Variants in PON3 observed in about 807,000 individuals in gnomAD.
PON3 encodes serum paraoxonase/lactonase 3.
PON3 carries 37 observed loss-of-function variants against 36.3 expected under a neutral mutation model. That is an observed-to-expected ratio of 1.02 (90% confidence interval 0.78 to 1.34). The LOEUF (loss-of-function observed/expected upper bound fraction) is 1.34. Ranked by LOEUF, PON3 falls within the 40% of genes most tolerant of loss-of-function variation. The pLI, the probability that PON3 is intolerant of heterozygous loss-of-function variation, is 0.00. For synonymous variants in PON3, 155 were observed against 154.8 expected, an observed-to-expected ratio of 1.00 and a Z score of -0.01; for missense variants, 415 against 426.5, an observed-to-expected ratio of 0.97 and a Z score of 0.24.
intron 3 of PON3, among the ~76,000 whole-genome samples, chr7:95,386,693 G>C (rs1391051600): frequency 6.6e-6 from 1 of 152,038 alleles, no homozygotes; most frequent in African/African-American, 2.4e-5. Context: ...GATAATTTTA[G>C]GCCAATAACC....
At chr7:95,392,711 G>A (rs553845012) in intron 2 of PON3, among the ~76,000 whole-genome samples, 1 of 152,292 alleles carries the variant, frequency 6.6e-6, no homozygotes, top group Non-Finnish European at 1.5e-5. Context: ...AGGCCATCTG[G>A]CATTCATTCT....
chr7:95,381,033 G>T (rs188176296), intron 3 of PON3, among the ~76,000 whole-genome samples: 1 of 152,314 alleles, frequency 6.6e-6, no homozygotes, highest in East Asian at 1.9e-4. Context: ...CCAGAAGAGG[G>T]TGGGGGCCAA....
rs766058191 is a variant in PON3 at position 95,394,723 on chromosome 7, G to A, written c.75-9C>T. 1.1e-5 allele frequency: 18 copies of A among 1,613,664 alleles called. No individual in the cohort carries two copies. Among genetic ancestry groups the A allele is most frequent in the Non-Finnish European group, 1.3e-5 (15 of 1,179,610 alleles). On this transcript the variant is annotated splice_polypyrimidine_tract_variant and intron_variant, in intron 1 of 8. Transcript: ENST00000265627. ...AGGCATTCACCCTTTCTCTGTAGAA[G>A]ATAAAACCCAACCCTGGAAGTCAAG... is the stretch of plus-strand genomic sequence containing the variant.
chr7:95,381,642 A>G (rs1031215179), intron 3 of PON3, among the ~76,000 whole-genome samples: 3 of 152,242 alleles, frequency 2.0e-5, no homozygotes, highest in Admixed American at 6.5e-5. Context: ...CAATTCAACG[A>G]GAAGAGCTAA....
intron 5 of PON3, 128 bp from the exon 6 acceptor site, chr7:95,364,191 A>G: frequency 1.3e-6 from 1 of 773,898 alleles, no homozygotes; most frequent in Non-Finnish European, 2.2e-6. Context: ...ATGAACTAGT[A>G]TGGATTAAGG....
At chr7:95,388,938 A>G (rs2116420362) in intron 3 of PON3, among the ~76,000 whole-genome samples, 1 of 152,264 alleles carries the variant, frequency 6.6e-6, no homozygotes, top group Non-Finnish European at 1.5e-5. Context: ...GGGGCCTGTC[A>G]GGGTGTGGGG....
chr7:95,364,019 G>A lies in PON3; in HGVS notation c.539C>T (p.Thr180Ile). 6.2e-7 allele frequency: 1 copy of A among 1,613,880 alleles called. No individual in the cohort carries two copies. The highest frequency in any genetic ancestry group is 8.5e-7 in the Non-Finnish European group (1 of 1,179,820). ...VVLGPEQFYA[T>I]RDHYFTNSLL... ...GGAGTTGGTAAAATAGTGGTCTCTGGTGGCATAGAACTGTTCTGGTCCAAG... is the reference window on the plus strand; with the variant it reads ...GGAGTTGGTAAAATAGTGGTCTCTGATGGCATAGAACTGTTCTGGTCCAAG... Residue 180 changes from threonine (T) to isoleucine (I), a missense_variant, in exon 6 of 9, where the codon ACC (threonine) becomes ATC (isoleucine). Coordinates refer to ENST00000265627, the MANE Select transcript of PON3 (RefSeq NM_000940.3).
chr7:95,367,735 G>A (rs1808730206), intron 4 of PON3, among the ~76,000 whole-genome samples: 2 of 152,158 alleles, frequency 1.3e-5, no homozygotes, highest in African/African-American at 4.8e-5. Flanking sequence ...AAGATGTTTT[G>A]CCATAGTCAC....
At chr7:95,394,601 C>A in intron 2 of PON3, 43 bp downstream of exon 2, 1 of 1,565,918 alleles carries the variant, frequency 6.4e-7, no homozygotes, top group South Asian at 1.1e-5. Flanking sequence ...GGATGACGAC[C>A]AAGAAGCTGT....
intron 3 of PON3, among the ~76,000 whole-genome samples, chr7:95,384,694 A>G (rs1809147027): frequency 6.6e-6 from 1 of 152,186 alleles, no homozygotes; most frequent in South Asian, 2.1e-4. Context: ...AAAAGTCAGG[A>G]AACAACAGGG....
intron 1 of PON3, 90 bp downstream of exon 1, chr7:95,396,187 C>T (rs1487563071): frequency 7.0e-7 from 1 of 1,420,162 alleles, no homozygotes; most frequent in Non-Finnish European, 1.0e-6. Context: ...TCTTTCCTAC[C>T]CGCTAGGAAG....
At position 95,396,002 on chromosome 7, in the gene PON3, G is replaced by A. The variant is rs1585737860; in HGVS notation, c.74+275C>T. ...GGAAAGGGGTCATCACGTTCAGAAA[G>A]TAAAAGGGGGTCATGACCTTCAGAA... On this transcript the variant is annotated intron_variant, in intron 1 of 8. Transcript: ENST00000265627. The A allele has an allele frequency of 1.4e-5, 7 of 486,912 alleles. No homozygotes were observed. In the East Asian group the frequency reaches 2.3e-4, roughly 16 times the overall value. The allele number at this position is 486,912 out of a possible 1,614,324, so 30.2% of individuals were successfully genotyped here.
At chr7:95,370,118 C>T (rs1163383051) in intron 4 of PON3, among the ~76,000 whole-genome samples, 1 of 152,136 alleles carries the variant, frequency 6.6e-6, no homozygotes, top group Non-Finnish European at 1.5e-5. Flanking sequence ...CACCCAGGAA[C>T]CCAGGCCGTT....
At chr7:95,360,759 AT>A in intron 8 of PON3, among the ~76,000 whole-genome samples, 1 of 152,306 alleles carries the variant, frequency 6.6e-6, no homozygotes, top group Non-Finnish European at 1.5e-5. Context: ...ACAAAATAAA[AT>A]AAAATTTTTA....
intron 2 of PON3, among the ~76,000 whole-genome samples, chr7:95,394,188 C>G (rs1047001305): frequency 2.4e-4 from 37 of 151,844 alleles, no homozygotes; most frequent in African/African-American, 8.5e-4. Context: ...TGAGCCACTG[C>G]GCCCAGCCTG....
intron 3 of PON3, among the ~76,000 whole-genome samples, chr7:95,388,474 C>G (rs1436787875): frequency 6.6e-6 from 1 of 152,206 alleles, no homozygotes; most frequent in Admixed American, 6.5e-5. Flanking sequence ...AATAGGAACA[C>G]TTTTACACTG....
intron 3 of PON3, among the ~76,000 whole-genome samples, chr7:95,381,194 T>C (rs1206049353): frequency 6.6e-6 from 1 of 152,138 alleles, no homozygotes; most frequent in Non-Finnish European, 1.5e-5. Context: ...CAAGAGCTCC[T>C]GAAGGAAGCA....
intron 2 of PON3, among the ~76,000 whole-genome samples, chr7:95,390,754 A>T (rs1809300300): frequency 1.3e-5 from 2 of 152,220 alleles, no homozygotes; most frequent in South Asian, 4.1e-4. Flanking sequence ...ATGAAAGTTT[A>T]GTTAGATCTT....
Position 95,362,230 on chromosome 7 carries a change from T to C in PON3, c.906+132A>G. 2.5e-6 allele frequency: 3 copies of C among 1,217,792 alleles called. No homozygotes were observed. The South Asian group carries it at 3.9e-5, about 16-fold the overall frequency. 75.4% of individuals were successfully genotyped at this position (1,217,792 alleles called of 1,614,324 possible). The stretch of plus-strand genomic sequence containing the variant: ...CTTATCTCCCTACCTGTCAAAAACT[T>C]TACTTTTCTCATACGTAAAATTTCT... On this transcript the variant is annotated intron_variant, in intron 8 of 8. Coordinates refer to ENST00000265627, the MANE Select transcript of PON3 (RefSeq NM_000940.3).
Sources: allele counts gnomAD v4.1 joint callset (sites outside exome capture counted in the v4.1 genomes callset), GRCh38; gene constraint gnomAD v4.1.1; transcripts MANE v1.5; gene names NCBI Gene and HGNC (gene_info 2026-07-23, HGNC 2026-07-21).